ANKS1B: variants seen among roughly 807,000 people sequenced by gnomAD.
The protein encoded by ANKS1B is ankyrin repeat and sterile alpha motif domain-containing protein 1B.
Under a neutral mutation model 148.3 loss-of-function variants are expected in ANKS1B, and 36 were observed. The observed-to-expected ratio is 0.24, with a 90% CI of 0.19 to 0.32. ANKS1B has a LOEUF of 0.32. Ranked by LOEUF, ANKS1B falls within the 10% of genes least tolerant of loss-of-function variation. ANKS1B has a pLI of 1.00. For synonymous variants in ANKS1B, 542 were observed against 560.8 expected, an observed-to-expected ratio of 0.97 and a Z score of 0.47; for missense variants, 1,157 against 1,542.6, an observed-to-expected ratio of 0.75 and a Z score of 4.19.
intron 14 of ANKS1B, among the ~76,000 whole-genome samples, chr12:99,174,911 A>G (rs1316386718): frequency 6.6e-6 from 1 of 152,172 alleles, no homozygotes; most frequent in Admixed American, 6.6e-5. Flanking sequence ...ATAATATTTT[A>G]TTCTCTCTAT....
intron 2 of ANKS1B, among the ~76,000 whole-genome samples, chr12:99,816,189 G>C (rs2069110336): frequency 1.3e-5 from 2 of 151,860 alleles, no homozygotes; most frequent in South Asian, 4.1e-4. Flanking sequence ...ATTCTTGCAG[G>C]AGTAAAGTGG....
intron 22 of ANKS1B, among the ~76,000 whole-genome samples, chr12:98,787,594 A>C (rs2098807177): frequency 1.3e-5 from 2 of 152,078 alleles, no homozygotes; most frequent in South Asian, 4.1e-4. Context: ...CCAGTGAATT[A>C]ATGTATCGTA....
chr12:99,490,159 A>G (rs1362181882), intron 10 of ANKS1B, among the ~76,000 whole-genome samples: 1 of 152,242 alleles, frequency 6.6e-6, no homozygotes, highest in Non-Finnish European at 1.5e-5. Context: ...CCTGGAAAAT[A>G]GTATGTCCTC....
chr12:98,820,108 T>C (rs1352268172), intron 19 of ANKS1B, among the ~76,000 whole-genome samples: 1 of 152,232 alleles, frequency 6.6e-6, no homozygotes, highest in Non-Finnish European at 1.5e-5. Flanking sequence ...ACTCAAAACA[T>C]TGCATTGGAG....
chr12:98,984,797 C>T (rs1214849848), intron 17 of ANKS1B, among the ~76,000 whole-genome samples: 2 of 152,060 alleles, frequency 1.3e-5, no homozygotes, highest in Non-Finnish European at 2.9e-5. Context: ...ACTGCTTGAA[C>T]CCAGGAGTTT....
chr12:99,921,548 A>T (rs1443570669), intron 1 of ANKS1B, among the ~76,000 whole-genome samples: 1 of 152,158 alleles, frequency 6.6e-6, no homozygotes, highest in Non-Finnish European at 1.5e-5. Context: ...TCTTTACAGA[A>T]CATGAGACTC....
chr12:99,762,306 C>T (rs916891261), intron 8 of ANKS1B, among the ~76,000 whole-genome samples: 4 of 151,658 alleles, frequency 2.6e-5, no homozygotes, highest in African/African-American at 9.7e-5. Flanking sequence ...TATACAGCTA[C>T]AATAACAAAT....
chr12:99,617,580 T>A (rs2097984062), intron 9 of ANKS1B, among the ~76,000 whole-genome samples: 2 of 150,698 alleles, frequency 1.3e-5, no homozygotes, highest in Non-Finnish European at 1.5e-5. Context: ...TAAATGGGAG[T>A]TGAACAATGA....
chr12:98,828,741 A>G (rs1003041643), intron 19 of ANKS1B, among the ~76,000 whole-genome samples: 1 of 152,242 alleles, frequency 6.6e-6, no homozygotes, highest in African/African-American at 2.4e-5. Context: ...GTCCCAGTAG[A>G]GCATTTCTGT....
chr12:99,238,335 T>C (rs1311379785), intron 14 of ANKS1B, among the ~76,000 whole-genome samples: 1 of 152,174 alleles, frequency 6.6e-6, no homozygotes, highest in East Asian at 1.9e-4. Context: ...ATGCTGCAGC[T>C]TGACGGGGGG....
chr12:98,885,586 T>C (rs551425447), intron 17 of ANKS1B, among the ~76,000 whole-genome samples: 19 of 152,210 alleles, frequency 1.2e-4, no homozygotes, highest in Non-Finnish European at 1.6e-4. Flanking sequence ...CCCCAGATTA[T>C]CTCGAGGATA....
chr12:98,931,950 C>G (rs2099814026), intron 17 of ANKS1B, among the ~76,000 whole-genome samples: 3 of 152,138 alleles, frequency 2.0e-5, no homozygotes, highest in Admixed American at 2.0e-4. Flanking sequence ...TGCATTTGAT[C>G]TTAACAAGCT....
intron 9 of ANKS1B, among the ~76,000 whole-genome samples, chr12:99,565,168 ATAATTATAAATATT>A (rs1275350234): frequency 1.3e-5 from 2 of 152,218 alleles, no homozygotes; most frequent in African/African-American, 4.8e-5. Flanking sequence ...AAGGTCACAA[ATAATTATAAATATT>A]TAGTAAGCTG....
intron 1 of ANKS1B, among the ~76,000 whole-genome samples, chr12:99,980,376 C>G (rs2095683347): frequency 6.6e-6 from 1 of 151,994 alleles, no homozygotes; most frequent in Admixed American, 6.6e-5. Context: ...ACAATTCCAC[C>G]ACTCAAAGAT....
chr12:99,829,376 C>T (rs1327041988), intron 1 of ANKS1B, among the ~76,000 whole-genome samples: 1 of 151,992 alleles, frequency 6.6e-6, no homozygotes, highest in Non-Finnish European at 1.5e-5. Context: ...TTAGGCCGGG[C>T]GCGGTGGCTC....
rs141987326 is a variant in ANKS1B, at chr12:98,829,717, C to T, written c.2887-364G>A. Among the ~76,000 whole-genome samples, 432 of 152,230 alleles carry T rather than the reference C, an allele frequency of 2.8e-3. 1 individual carries two copies. Among genetic ancestry groups the T allele is most frequent in the South Asian group, 7.9e-3 (38 of 4,816 alleles). On this transcript the variant is annotated intron_variant, in intron 18 of 26. Coordinates refer to ENST00000683438, the MANE Select transcript of ANKS1B (RefSeq NM_001352186.2). The surrounding 1 kb of genome is among the most constrained non-coding windows in gnomAD (Gnocchi z 5.2). The stretch of plus-strand genomic sequence containing the variant: ...CAGAGCGTCCTCACCATGGTAGATG[C>T]CATGATGAGAAAGCTAAAATGAGAC...
chr12:99,197,966 C>T (rs1051850739), intron 14 of ANKS1B, among the ~76,000 whole-genome samples: 1 of 152,104 alleles, frequency 6.6e-6, no homozygotes, highest in African/African-American at 2.4e-5. Flanking sequence ...ACTTTCTGGT[C>T]ATTTCATGTA....
At chr12:99,339,925 CA>C (rs2089624926) in intron 12 of ANKS1B, among the ~76,000 whole-genome samples, 1 of 152,032 alleles carries the variant, frequency 6.6e-6, no homozygotes, top group East Asian at 1.9e-4. Context: ...GTTTCTATTC[CA>C]TTTGAGGGTC....
At position 98,899,956 on chromosome 12, in the gene ANKS1B, G is replaced by A. The variant is rs146702403; in HGVS notation, c.2779-67820C>T. On this transcript the variant is annotated intron_variant, in intron 17 of 26. Coordinates refer to ENST00000683438, the MANE Select transcript of ANKS1B (RefSeq NM_001352186.2). Reference sequence around the variant, plus strand: ...CAATGATAGTAACCTCAACCAGGAAGGGATTTAATGTTTTAGTAAAATTTC... The same window carrying A: ...CAATGATAGTAACCTCAACCAGGAAAGGATTTAATGTTTTAGTAAAATTTC... 8.9e-3 allele frequency among the ~76,000 whole-genome samples: 1,351 copies of A among 152,304 alleles called. 82 individuals are homozygous for A. The highest frequency in any genetic ancestry group is 0.081 in the Admixed American group (1,233 of 15,290).
Sources: allele counts gnomAD v4.1 joint callset (sites outside exome capture counted in the v4.1 genomes callset), GRCh38; gene constraint gnomAD v4.1.1; non-coding constraint Gnocchi (gnomAD v3.1); transcripts MANE v1.5; gene names NCBI Gene and HGNC (gene_info 2026-07-23, HGNC 2026-07-21).